Variants in UNC5C observed in about 807,000 individuals in gnomAD.
UNC5C encodes the protein netrin receptor UNC5C.
A neutral mutation model predicts 99.8 loss-of-function variants in UNC5C; 47 were observed. The ratio of observed to expected loss-of-function variants is 0.47; its 90% confidence interval spans 0.37 to 0.60. The LOEUF (loss-of-function observed/expected upper bound fraction) is 0.60. Ranked by LOEUF, UNC5C falls within the 20% of genes least tolerant of loss-of-function variation. UNC5C has a pLI of 0.00. For missense variants in UNC5C, 1,062 were observed against 1,165.9 expected, an observed-to-expected ratio of 0.91 and a Z score of 1.30; for synonymous variants, 487 against 452.2, an observed-to-expected ratio of 1.08 and a Z score of -0.98.
intron 1 of UNC5C, among the ~76,000 whole-genome samples, chr4:95,418,046 CTTCT>C (rs1746218862): frequency 6.6e-6 from 1 of 152,104 alleles, no homozygotes; most frequent in African/African-American, 2.4e-5. Flanking sequence ...ATGGTGACTC[CTTCT>C]TCCATGTGGT....
intron 1 of UNC5C, among the ~76,000 whole-genome samples, chr4:95,347,572 G>A (rs56022733): frequency 0.09 from 13,756 of 152,040 alleles, 830 homozygotes; most frequent in Middle Eastern, 0.14. Flanking sequence ...ACAGACTCAT[G>A]GAACAGAATA....
chr4:95,276,457 CA>C (rs1740863073), intron 4 of UNC5C, among the ~76,000 whole-genome samples: 1 of 151,956 alleles, frequency 6.6e-6, no homozygotes, highest in South Asian at 2.1e-4. Flanking sequence ...ACTACTTTGT[CA>C]AGGAGACTGA....
At chr4:95,303,175 C>G (rs1741937465) in intron 2 of UNC5C, among the ~76,000 whole-genome samples, 1 of 152,226 alleles carries the variant, frequency 6.6e-6, no homozygotes, top group South Asian at 2.1e-4. Flanking sequence ...GTTGTGCACA[C>G]CAGTGTTTCT....
At chr4:95,373,070 C>A (rs142656961) in intron 1 of UNC5C, among the ~76,000 whole-genome samples, 334 of 152,296 alleles carry the variant, frequency 2.2e-3, no homozygotes, top group African/African-American at 7.7e-3. Flanking sequence ...CTGCTACCAA[C>A]AGAGTCAAAA....
At position 95,322,666 on chromosome 4, in the gene UNC5C, C is replaced by T. The variant is rs760780025; in HGVS notation, c.346+12744G>A. Among the ~76,000 whole-genome samples the T allele has an allele frequency of 2.9e-4, 44 of 151,922 alleles. 1 individual carries two copies. The highest frequency in any genetic ancestry group is 6.6e-5 in the Admixed American group (1 of 15,246). On this transcript the variant is annotated intron_variant, in intron 2 of 15. Coordinates refer to ENST00000453304, the MANE Select transcript of UNC5C (RefSeq NM_003728.4). Reference sequence around the variant, plus strand: ...AAAATGGTTGAATATTGGCCAGGCACGGTGGCTCACACCTATAATCCCAGC... The same window carrying T: ...AAAATGGTTGAATATTGGCCAGGCATGGTGGCTCACACCTATAATCCCAGC...
chr4:95,384,181 C>A (rs1289966566), intron 1 of UNC5C, among the ~76,000 whole-genome samples: 2 of 152,028 alleles, frequency 1.3e-5, no homozygotes, highest in Admixed American at 6.6e-5. Context: ...CCATCTGTAC[C>A]TACTTTTTTA....
At chr4:95,544,212 T>C (rs1722999817) in intron 1 of UNC5C, among the ~76,000 whole-genome samples, 1 of 152,160 alleles carries the variant, frequency 6.6e-6, no homozygotes, top group African/African-American at 2.4e-5. Flanking sequence ...CAGCTGGAGG[T>C]GCTGGAAGCA....
intron 1 of UNC5C, among the ~76,000 whole-genome samples, chr4:95,509,462 TAAAG>T (rs1053175114): frequency 3.2e-4 from 42 of 131,784 alleles, no homozygotes; most frequent in African/African-American, 6.9e-4. Context: ...TAAACTAAAA[TAAAG>T]AAAGATGCTA....
chr4:95,358,464 G>A (rs1464272801), intron 1 of UNC5C, among the ~76,000 whole-genome samples: 1 of 152,180 alleles, frequency 6.6e-6, no homozygotes, highest in Non-Finnish European at 1.5e-5. Flanking sequence ...AAGATGGTAA[G>A]GGTATGAGTC....
chr4:95,440,099 G>T lies in UNC5C; in HGVS notation c.125-104468C>A, dbSNP rs992048501. On this transcript the variant is annotated intron_variant, in intron 1 of 15. Coordinates refer to ENST00000453304, the MANE Select transcript of UNC5C (RefSeq NM_003728.4). The stretch of plus-strand genomic sequence containing the variant: ...GTGGTTCTGCCTCTGCTGTTCTCTG[G>T]CAATGCAGCGACCCTCAGATACCTT... 4.6e-5 allele frequency among the ~76,000 whole-genome samples: 7 copies of T among 152,256 alleles called. 1 individual carries two copies. Among genetic ancestry groups the T allele is most frequent in the East Asian group, 1.9e-4 (1 of 5,174 alleles).
intron 1 of UNC5C, among the ~76,000 whole-genome samples, chr4:95,448,076 C>T (rs556106974): frequency 2.0e-5 from 3 of 152,190 alleles, no homozygotes; most frequent in African/African-American, 7.2e-5. Context: ...TAACATGCAT[C>T]GCCACCATTT....
chr4:95,537,523 G>A (rs1722812042), intron 1 of UNC5C, among the ~76,000 whole-genome samples: 1 of 152,192 alleles, frequency 6.6e-6, no homozygotes, highest in South Asian at 2.1e-4. Flanking sequence ...CACTGTCCTA[G>A]AGAATATGTT....
chr4:95,206,824 G>A (rs1277257486), intron 10 of UNC5C, 28 bp from the exon 11 acceptor site: 3 of 1,516,784 alleles, frequency 2.0e-6, no homozygotes, highest in Non-Finnish European at 2.6e-6. Flanking sequence ...AATGGCTTCA[G>A]TGACATTTCC....
In UNC5C at chr4:95,548,946, G is replaced by C; in HGVS notation, c.-89C>G. 6.7e-7 allele frequency: 1 copy of C among 1,503,016 alleles called. No individual in the cohort carries two copies. Among genetic ancestry groups the C allele is most frequent in the Non-Finnish European group, 9.1e-7 (1 of 1,103,376 alleles). The allele number at this position is 1,503,016 out of a possible 1,614,324, so 93.1% of individuals were successfully genotyped here. Reference sequence around the variant, plus strand: ...CCCACTGGGCAGAAGCTGAATCCGTGCACCGCGAAGCAGTCCGAAGAAATA... The same window carrying C: ...CCCACTGGGCAGAAGCTGAATCCGTCCACCGCGAAGCAGTCCGAAGAAATA... On this transcript the variant is annotated 5_prime_UTR_variant, in exon 1 of 16. Transcript: ENST00000453304.
At chr4:95,379,643 A>G (rs1044684395) in intron 1 of UNC5C, among the ~76,000 whole-genome samples, 7 of 152,200 alleles carry the variant, frequency 4.6e-5, no homozygotes, top group African/African-American at 1.7e-4. Flanking sequence ...CAGAGAAAGA[A>G]GAAGCGCTCA....
chr4:95,440,018 T>A (rs1746903205), intron 1 of UNC5C, among the ~76,000 whole-genome samples: 1 of 152,208 alleles, frequency 6.6e-6, no homozygotes, highest in Non-Finnish European at 1.5e-5. Context: ...AGGAGACATT[T>A]CTCTCCTGCA....
At chr4:95,462,192 T>G (rs1383516737) in intron 1 of UNC5C, among the ~76,000 whole-genome samples, 2 of 152,284 alleles carry the variant, frequency 1.3e-5, no homozygotes, top group South Asian at 2.1e-4. Flanking sequence ...TTTCTCTTTC[T>G]AAATATCTTC....
At chr4:95,227,029 G>T (rs1211094298) in intron 7 of UNC5C, among the ~76,000 whole-genome samples, 1 of 152,086 alleles carries the variant, frequency 6.6e-6, no homozygotes, top group African/African-American at 2.4e-5. Flanking sequence ...TTCAGGGAAA[G>T]GTATGAGGCT....
intron 1 of UNC5C, among the ~76,000 whole-genome samples, chr4:95,503,299 C>T (rs190254575): frequency 6.0e-4 from 91 of 152,020 alleles, no homozygotes; most frequent in Non-Finnish European, 9.9e-4. Flanking sequence ...AGAAAGTTGC[C>T]GGTACCTTAA....
Sources: gnomAD v4.1 joint callset for allele counts (sites outside exome capture counted in the v4.1 genomes callset) on GRCh38, gnomAD v4.1.1 for gene constraint, MANE v1.5 for transcripts, NCBI Gene and HGNC (gene_info 2026-07-23, HGNC 2026-07-21) for gene names.